Variants in WDR17 observed in about 807,000 individuals in gnomAD.
The protein encoded by WDR17 is WD repeat-containing protein 17.
A neutral mutation model predicts 161.7 loss-of-function variants in WDR17; 143 were observed. That is an observed-to-expected ratio of 0.88 (90% CI 0.77 to 1.02). The LOEUF (loss-of-function observed/expected upper bound fraction) is 1.02, where lower values mean the gene tolerates loss of function less well. Ranked by LOEUF, WDR17 falls within the 50% of genes least tolerant of loss-of-function variation. The pLI is 0.00. For missense variants in WDR17, 1,469 were observed against 1,520.9 expected (o/e 0.97, Z 0.57); for synonymous variants, 517 against 515.6 (o/e 1.00, Z -0.04).
chr4:176,089,283 A>G (rs1281741731), intron 1 of WDR17, among the ~76,000 whole-genome samples: 4 of 152,202 alleles, frequency 2.6e-5, no homozygotes, highest in Non-Finnish European at 5.9e-5. Flanking sequence ...ACTCTTTCAC[A>G]ACTTCTAATA....
intron 3 of WDR17, 114 bp downstream of exon 3, chr4:176,116,093 A>T (rs575293748): frequency 9.4e-6 from 10 of 1,063,218 alleles, no homozygotes; most frequent in African/African-American, 1.6e-5. Context: ...CTTAATGGTA[A>T]TCTGTATAAG....
At chr4:176,151,091 C>G (rs953773869) in intron 16 of WDR17, among the ~76,000 whole-genome samples, 7 of 152,004 alleles carry the variant, frequency 4.6e-5, no homozygotes, top group African/African-American at 1.5e-4. Context: ...TATAGTTAAT[C>G]GTTAGAGCAT....
At chr4:176,072,144 G>C (rs189534238) in intron 1 of WDR17, among the ~76,000 whole-genome samples, 1 of 152,132 alleles carries the variant, frequency 6.6e-6, no homozygotes, top group Non-Finnish European at 1.5e-5. Context: ...CATATATTGG[G>C]AATGCTTAGA....
chr4:176,097,489 C>CT (rs991185451), intron 1 of WDR17, among the ~76,000 whole-genome samples: 3 of 151,450 alleles, frequency 2.0e-5, no homozygotes, highest in Non-Finnish European at 4.4e-5. Flanking sequence ...GCCTTTTGGA[C>CT]TTTTTTTTCA....
intron 1 of WDR17, among the ~76,000 whole-genome samples, chr4:176,105,216 C>T (rs553514863): frequency 1.3e-5 from 2 of 152,002 alleles, no homozygotes; most frequent in Non-Finnish European, 2.9e-5. Context: ...AAAACACCAT[C>T]AAAATATATG....
chr4:176,126,806 G>A (rs1179835265), intron 5 of WDR17, among the ~76,000 whole-genome samples: 1 of 152,130 alleles, frequency 6.6e-6, no homozygotes, highest in African/African-American at 2.4e-5. Context: ...ACCCTATGCT[G>A]TTCTCATGAT....
chr4:176,103,504 A>G lies in WDR17; in HGVS notation c.-6-8071A>G, dbSNP rs78269705. 3.4e-3 allele frequency among the ~76,000 whole-genome samples: 522 copies of G among 152,206 alleles called. 1 individual carries two copies. The highest frequency in any genetic ancestry group is 0.027 in the Middle Eastern group (8 of 294). ...AAAGATCTACTAGACAAAGACTTTA[A>G]AACAACTGTCTTGGGATGCTTAAAA... On this transcript the variant is annotated intron_variant, in intron 1 of 28. Transcript: ENST00000508596.
Position 176,166,013 on chromosome 4 carries a change from G to A in WDR17, c.2991-2659G>A, listed in dbSNP as rs1749721159. 4 of 517,424 alleles carry A rather than the reference G, an allele frequency of 7.7e-6. No homozygotes were observed. The South Asian group carries it at 9.5e-5, about 12-fold the overall frequency. 32.1% of individuals were successfully genotyped at this position (517,424 alleles called of 1,614,324 possible). A position where few individuals can be genotyped will look rare whatever the true frequency, so the allele number is the denominator to read the frequency against. ...ATAGCTACATCATTTATAAAGATGTGCATAATTTTTAAGCTATAAACAGCG... is the reference window on the plus strand; with the variant it reads ...ATAGCTACATCATTTATAAAGATGTACATAATTTTTAAGCTATAAACAGCG... On this transcript the variant is annotated intron_variant, in intron 22 of 28. Transcript: ENST00000508596.
At chr4:176,085,145 G>A (rs1735269771) in intron 1 of WDR17, among the ~76,000 whole-genome samples, 1 of 151,808 alleles carries the variant, frequency 6.6e-6, no homozygotes, top group Admixed American at 6.6e-5. Flanking sequence ...AAAAAAATCT[G>A]CTAGGATTTT....
intron 1 of WDR17, among the ~76,000 whole-genome samples, chr4:176,087,740 A>G (rs1381870295): frequency 6.6e-6 from 1 of 152,100 alleles, no homozygotes; most frequent in African/African-American, 2.4e-5. Context: ...ACTAATAGTG[A>G]CTTTTGGGAT....
chr4:176,076,127 G>T (rs576021538), intron 1 of WDR17, among the ~76,000 whole-genome samples: 21 of 150,482 alleles, frequency 1.4e-4, no homozygotes, highest in African/African-American at 3.7e-4. Flanking sequence ...CTTCTTAGTT[G>T]CTCATTAGAG....
chr4:176,167,663 A>AAAC lies in WDR17; in HGVS notation c.2991-1007_2991-1006insCAA, dbSNP rs1561210671. On this transcript the variant is annotated intron_variant, in intron 22 of 28. Transcript: ENST00000508596. ...CCGTCTCAAAAAAAAAAAAAAAAAA[A>AAAC]AAAAAAAAACAATATCTTGAATTAT... 1.9e-4 allele frequency among the ~76,000 whole-genome samples: 26 copies of AAAC among 134,868 alleles called. 2 individuals are homozygous for AAAC. The highest frequency in any genetic ancestry group is 6.2e-4 in the African/African-American group (23 of 37,158). The allele number at this position is 134,868 out of a possible 152,430, so 88.5% of individuals were successfully genotyped here.
At position 176,160,016 on chromosome 4, in the gene WDR17, GAAGAT is replaced by G; in HGVS notation, c.2552_2556del (p.Asp851GlyfsTer2). ...TAGGAGAGCTGACCAATTAATCCAG[GAAGAT>G]AAGGATGATGTCATTCCATACTGCA... On this transcript the variant is annotated frameshift_variant, in exon 19 of 29. Transcript: ENST00000508596. LOFTEE classifies it high-confidence loss of function. 6.2e-7 allele frequency: 1 copy of G among 1,608,604 alleles called. No homozygotes were observed. The highest frequency in any genetic ancestry group is 2.2e-5 in the East Asian group (1 of 44,834).
chr4:176,135,665 A>G (rs891869528), intron 8 of WDR17, among the ~76,000 whole-genome samples: 1 of 151,658 alleles, frequency 6.6e-6, no homozygotes, highest in African/African-American at 2.4e-5. Flanking sequence ...ACTTGTAACC[A>G]TGTAATTCTG....
In WDR17 at chr4:176,097,738, CACAT is replaced by C. The variant is rs1294662067; in HGVS notation, c.-6-13833_-6-13830del. On this transcript the variant is annotated intron_variant, in intron 1 of 28. Transcript: ENST00000508596. ...CCCCACTTACACACACACACACACA[CACAT>C]ACACACACACACACACACACACACA... Among the ~76,000 whole-genome samples the C allele has an allele frequency of 4.3e-3, 506 of 116,876 alleles. 2 individuals are homozygous for C. The highest frequency in any genetic ancestry group is 7.2e-3 in the African/African-American group (223 of 30,798). The allele number at this position is 116,876 out of a possible 152,430, so 76.7% of individuals were successfully genotyped here.
chr4:176,166,420 C>G (rs1749782035), intron 22 of WDR17, among the ~76,000 whole-genome samples: 1 of 152,008 alleles, frequency 6.6e-6, no homozygotes, highest in Non-Finnish European at 1.5e-5. Flanking sequence ...CTCAGCTAAG[C>G]AGAATGAAAT....
chr4:176,166,740 A>G (rs935190039), intron 22 of WDR17, among the ~76,000 whole-genome samples: 14 of 152,150 alleles, frequency 9.2e-5, no homozygotes, highest in Non-Finnish European at 7.4e-5. Context: ...TGAAATTTTG[A>G]TAAGAGGAAA....
intron 13 of WDR17, among the ~76,000 whole-genome samples, chr4:176,148,702 T>C (rs1035440720): frequency 9.2e-5 from 14 of 152,200 alleles, no homozygotes; most frequent in Admixed American, 2.6e-4. Flanking sequence ...CAGAGGTAAG[T>C]TGTTTAACAG....
chr4:176,109,879 C>T (rs544249411), intron 1 of WDR17, among the ~76,000 whole-genome samples: 1 of 152,148 alleles, frequency 6.6e-6, no homozygotes, highest in South Asian at 2.1e-4. Flanking sequence ...TTATGCAAAG[C>T]TTTTGAGCAG....
Sources: allele counts gnomAD v4.1 joint callset (sites outside exome capture counted in the v4.1 genomes callset), GRCh38; gene constraint gnomAD v4.1.1; transcripts MANE v1.5; gene names NCBI Gene and HGNC (gene_info 2026-07-23, HGNC 2026-07-21).